The following L3MBTL1 variants were observed in gnomAD, a reference collection of about 807,000 sequenced individuals.
The protein encoded by L3MBTL1 is L3MBTL histone methyl-lysine binding protein 1, also known as lethal(3)malignant brain tumor-like protein 1.
In L3MBTL1, 75 loss-of-function variants were observed where a neutral mutation model predicts 105.3. The ratio of observed to expected loss-of-function variants is 0.71; its 90% confidence interval spans 0.59 to 0.86. L3MBTL1 has a LOEUF of 0.86. L3MBTL1 is among the 40% of genes least tolerant of loss of function. L3MBTL1 has a pLI of 0.00. For missense variants in L3MBTL1, 1,069 were observed against 1,126.4 expected (o/e 0.95, Z 0.73); for synonymous variants, 452 against 436.2 (o/e 1.04, Z -0.45).
chr20:43,537,207 C>T (rs1269293789), intron 19 of L3MBTL1, among the ~76,000 whole-genome samples: 9 of 152,240 alleles, frequency 5.9e-5, no homozygotes, highest in South Asian at 4.1e-4. Context: ...CTTGCACTAG[C>T]GTGCTTGCTG....
chr20:43,514,305 G>C (rs2018240136), intron 3 of L3MBTL1: 1 of 889,802 alleles, frequency 1.1e-6, no homozygotes, highest in African/African-American at 1.7e-5. Context: ...GGTGTCTGGG[G>C]GCGTGGCTTA....
At chr20:43,548,071 C>T (rs760233340) in intron 18 of L3MBTL1, 6 of 1,301,298 alleles carry the variant, frequency 4.6e-6, no homozygotes, top group Admixed American at 4.6e-5. Flanking sequence ...TGACCCTTTC[C>T]ACCTTCTCCA....
At chr20:43,531,145 C>T in intron 11 of L3MBTL1, 1 of 503,004 alleles carries the variant, frequency 2.0e-6, no homozygotes. Flanking sequence ...CCCTTGGAGC[C>T]CCTGGCCCAC....
At chr20:43,529,778 A>T (rs1204928111) in intron 9 of L3MBTL1, among the ~76,000 whole-genome samples, 4 of 152,206 alleles carry the variant, frequency 2.6e-5, no homozygotes, top group African/African-American at 9.6e-5. Context: ...AAAAGCATAG[A>T]GGAAGGGCCT....
chr20:43,513,957 G>C lies in L3MBTL1; in HGVS notation c.256G>C (p.Val86Leu). ...CGGCTGCGAACCAGTTTCTGCCACC[G>C]TCCTGCCGCAGCTTAGCGCCGGGCC... ...VAGCEPVSATVLPQLSAGPAS... is the reference protein window; with the variant it reads ...VAGCEPVSATLLPQLSAGPAS... The change falls in exon 3 of 22, where the codon GTC becomes CTC. Residue 86 changes from valine to leucine, a missense_variant. By Grantham distance (32) the Val-to-Leu change is conservative. Transcript: ENST00000418998. 6.5e-7 allele frequency: 1 copy of C among 1,549,326 alleles called. No individual in the cohort carries two copies. The highest frequency in any genetic ancestry group is 8.7e-7 in the Non-Finnish European group (1 of 1,146,972).
downstream of L3MBTL1, among the ~76,000 whole-genome samples, chr20:43,546,050 T>G (rs1397763936): frequency 6.6e-6 from 1 of 152,212 alleles, no homozygotes; most frequent in Non-Finnish European, 1.5e-5. Context: ...GGAAGGCAAA[T>G]GAAGAAATAC....
rs997399426 is a variant in L3MBTL1 at position 43,534,941 on chromosome 20, C to T, written c.1824C>T (p.Leu608=). 12 of 1,587,938 alleles carry T rather than the reference C, an allele frequency of 7.6e-6. No homozygotes were observed. Among genetic ancestry groups the T allele is most frequent in the African/African-American group, 4.1e-5 (3 of 73,402 alleles). Residue 608 remains leucine, a splice_region_variant and synonymous_variant, in exon 16 of 22, where the codon CTC becomes CTT. Coordinates refer to ENST00000418998, the MANE Select transcript of L3MBTL1 (RefSeq NM_001377303.1). The part of the protein sequence containing the change: ...SKTGHPLQPP[L]GPREPSSASP... ...CAGGACATCCCCTGCAGCCTCCTCT[C>T]GGTGTGTACCCCTAGGGCACTCTGA...
chr20:43,521,890 T>TA, intron 7 of L3MBTL1, among the ~76,000 whole-genome samples: 1 of 152,296 alleles, frequency 6.6e-6, no homozygotes, highest in East Asian at 1.9e-4. Context: ...TTTTCACTGA[T>TA]ACTCCATTTA....
At chr20:43,534,518 C>A in intron 15 of L3MBTL1, 124 bp downstream of exon 15, 1 of 755,476 alleles carries the variant, frequency 1.3e-6, no homozygotes. Flanking sequence ...GAATCTCATT[C>A]TTGCCTCATC....
rs774427773 is a variant in L3MBTL1, at chr20:43,513,578, G to A, written c.75G>A (p.Leu25=). The change falls in exon 2 of 22, where the codon TTG becomes TTA. Residue 25 remains leucine, a synonymous_variant. Transcript: ENST00000418998. ...GPSTGEVSMH[L]VAGDSPGSGP... The stretch of plus-strand genomic sequence containing the variant: ...CCACAGGGGAGGTCAGCATGCACTT[G>A]GTGGCCGGAGACAGCCCCGGTTCTG... 78 of 1,550,566 alleles carry A rather than the reference G, an allele frequency of 5.0e-5. No homozygotes were observed. The highest frequency in any genetic ancestry group is 6.4e-5 in the Non-Finnish European group (73 of 1,147,028).
At position 43,530,319 on chromosome 20, in the gene L3MBTL1, G is replaced by A. The variant is rs776189090; in HGVS notation, c.1092G>A (p.Gly364=). ...ATCGCCTACGCCTGCACTTTGATGGGTATTCTGAGTGCCATGACTTCTGGG... is the reference window on the plus strand; with the variant it reads ...ATCGCCTACGCCTGCACTTTGATGGATATTCTGAGTGCCATGACTTCTGGG... ...CGYRLRLHFD[G]YSECHDFWVN... The change falls in exon 10 of 22, where the codon GGG becomes GGA. Residue 364 remains glycine (G), a synonymous_variant. Coordinates refer to ENST00000418998, the MANE Select transcript of L3MBTL1 (RefSeq NM_001377303.1). 1.4e-5 allele frequency: 22 copies of A among 1,614,074 alleles called. No individual in the cohort carries two copies. Among genetic ancestry groups the A allele is most frequent in the Non-Finnish European group, 1.7e-5 (20 of 1,180,006 alleles).
chr20:43,526,736 G>T (rs116174591), intron 7 of L3MBTL1, among the ~76,000 whole-genome samples: 3,155 of 152,276 alleles, frequency 0.021, 95 homozygotes, highest in African/African-American at 0.069. Context: ...AAGGCAGGCG[G>T]ATCACCTGAG....
rs1041724781 is a variant in L3MBTL1, at chr20:43,534,276, C to T, written c.1600-8C>T. The T allele has an allele frequency of 1.9e-6, 3 of 1,612,502 alleles. No homozygotes were observed. The highest frequency in any genetic ancestry group is 1.1e-5 in the South Asian group (1 of 90,998). On this transcript the variant is annotated splice_polypyrimidine_tract_variant and splice_region_variant and intron_variant, in intron 14 of 21. Coordinates refer to ENST00000418998, the MANE Select transcript of L3MBTL1 (RefSeq NM_001377303.1). ...GCCTTGCCCTGAAGGCAGCTGTCCCCTCTGCAGCGACCCCCTCACAGCTTC... is the reference window on the plus strand; with the variant it reads ...GCCTTGCCCTGAAGGCAGCTGTCCCTTCTGCAGCGACCCCCTCACAGCTTC...
Position 43,516,289 on chromosome 20 carries a change from G to A in L3MBTL1, c.862+112G>A. The A allele has an allele frequency of 1.2e-5, 9 of 762,172 alleles. No individual in the cohort carries two copies. In the South Asian group the frequency reaches 1.2e-4, roughly 10 times the overall value. The allele number at this position is 762,172 out of a possible 1,614,324, so 47.2% of individuals were successfully genotyped here. On this transcript the variant is annotated intron_variant, in intron 7 of 21. Coordinates refer to ENST00000418998, the MANE Select transcript of L3MBTL1 (RefSeq NM_001377303.1). ...GATGGTAGGTTGTACATGCATAAAT[G>A]AGCATGAGTTAGTGTGTGTGAAAGA... is the stretch of plus-strand genomic sequence containing the variant.
In L3MBTL1 at chr20:43,514,516, C is replaced by T. The variant is rs1448724884; in HGVS notation, c.361-119C>T. On this transcript the variant is annotated intron_variant, in intron 3 of 21. Transcript: ENST00000418998. ...GGAGTGAGGCCCCCTGGCGTGGAGT[C>T]TTGAGGCCTGCTGAGGGCGTGAGCT... 7 of 1,558,128 alleles carry T rather than the reference C, an allele frequency of 4.5e-6. No homozygotes were observed. In the South Asian group the frequency reaches 7.1e-5, roughly 16 times the overall value.
At chr20:43,529,795 CAG>C (rs2019231346) in intron 9 of L3MBTL1, among the ~76,000 whole-genome samples, 1 of 152,184 alleles carries the variant, frequency 6.6e-6, no homozygotes, top group South Asian at 2.1e-4. Flanking sequence ...GCCTCCTTTG[CAG>C]AGTCTTGAGA....
chr20:43,540,940 A>T lies in L3MBTL1; in HGVS notation c.2401A>T (p.Ile801Leu). The T allele has an allele frequency of 6.2e-7, 1 of 1,614,120 alleles. No individual in the cohort carries two copies. The highest frequency in any genetic ancestry group is 8.5e-7 in the Non-Finnish European group (1 of 1,179,962). Residue 801 changes from isoleucine to leucine, a missense_variant, in exon 22 of 22, where the codon ATA (isoleucine) becomes TTA (leucine). Transcript: ENST00000418998. Reference sequence around the variant, plus strand: ...ACCCGTGTTGCCCCACCAGGCAAGAATAGTCAGAGTGACCCATGTATCTGG... The same window carrying T: ...ACCCGTGTTGCCCCACCAGGCAAGATTAGTCAGAGTGACCCATGTATCTGG... ...QARLFKDEAR[I>L]VRVTHVSGKT...
chr20:43,518,122 T>G (rs2018497894), intron 7 of L3MBTL1, among the ~76,000 whole-genome samples: 1 of 151,908 alleles, frequency 6.6e-6, no homozygotes, highest in South Asian at 2.1e-4. Context: ...GTCTCAACTG[T>G]GAATATTAGT....
downstream of L3MBTL1, among the ~76,000 whole-genome samples, chr20:43,546,867 A>G (rs190768747): frequency 7.2e-4 from 110 of 152,350 alleles, 1 homozygote; most frequent in Admixed American, 4.8e-3. Context: ...TCTAAAAACT[A>G]AGGACTTTCT....
Sources: allele counts gnomAD v4.1 joint callset (sites outside exome capture counted in the v4.1 genomes callset), GRCh38; gene constraint gnomAD v4.1.1; transcripts MANE v1.5; gene names NCBI Gene and HGNC (gene_info 2026-07-23, HGNC 2026-07-21).